The following SERGEF variants were observed in gnomAD, a reference collection of about 807,000 sequenced individuals.
The protein encoded by SERGEF is secretion regulating guanine nucleotide exchange factor, also known as secretion-regulating guanine nucleotide exchange factor.
In SERGEF, 51 loss-of-function variants were observed where a neutral mutation model predicts 50.0. The observed-to-expected ratio is 1.02, with a 90% CI of 0.81 to 1.29. SERGEF has a LOEUF of 1.29. Among genes scored for constraint, SERGEF ranks in the 50% most tolerant of loss-of-function variants. The probability of loss-of-function intolerance (pLI) is 0.00; values close to 1 mark genes in which losing one functional copy is unlikely to be tolerated. For synonymous variants in SERGEF, 205 were observed against 212.4 expected (o/e 0.97, Z 0.30); for missense variants, 521 against 557.0 (o/e 0.94, Z 0.65).
chr11:17,980,965 G>T (rs1476062395), intron 8 of SERGEF, among the ~76,000 whole-genome samples: 2 of 152,210 alleles, frequency 1.3e-5, no homozygotes, highest in African/African-American at 2.4e-5. Context: ...AGAGTTTAGT[G>T]TCTTGCCAGA....
intron 10 of SERGEF, among the ~76,000 whole-genome samples, chr11:17,829,468 T>G (rs934442329): frequency 6.6e-6 from 1 of 152,202 alleles, no homozygotes; most frequent in Non-Finnish European, 1.5e-5. Flanking sequence ...GCTATGCCAC[T>G]TTAAAGTCTG....
intron 8 of SERGEF, among the ~76,000 whole-genome samples, chr11:17,971,949 T>G (rs1021007512): frequency 3.9e-5 from 6 of 152,112 alleles, no homozygotes; most frequent in Non-Finnish European, 8.8e-5. Context: ...ATGGATGACT[T>G]TGAGGGATTC....
intron 8 of SERGEF, among the ~76,000 whole-genome samples, chr11:17,974,408 G>T (rs763846126): frequency 3.3e-5 from 5 of 152,214 alleles, no homozygotes; most frequent in Non-Finnish European, 5.9e-5. Flanking sequence ...GGGCCTGGGA[G>T]AGGCATCTGC....
chr11:17,953,791 T>C (rs1045254999), intron 9 of SERGEF, among the ~76,000 whole-genome samples: 15 of 152,166 alleles, frequency 9.9e-5, no homozygotes, highest in African/African-American at 3.1e-4. Flanking sequence ...ATGATAAATA[T>C]AAATAAGAAA....
At chr11:17,963,629 G>A (rs900042992) in intron 8 of SERGEF, among the ~76,000 whole-genome samples, 2 of 152,012 alleles carry the variant, frequency 1.3e-5, no homozygotes, top group East Asian at 1.9e-4. Context: ...CAAGTGATCT[G>A]CCTGCCTCAG....
intron 8 of SERGEF, among the ~76,000 whole-genome samples, chr11:17,974,340 G>A (rs962099293): frequency 1.1e-4 from 16 of 152,200 alleles, no homozygotes. Context: ...TCCCACCAGA[G>A]ACAGTTACCA....
intron 9 of SERGEF, among the ~76,000 whole-genome samples, chr11:17,925,682 T>G (rs1852237868): frequency 6.6e-6 from 1 of 152,188 alleles, no homozygotes; most frequent in Admixed American, 6.5e-5. Flanking sequence ...GGGAGGCACA[T>G]TTCCATCTTA....
At chr11:18,000,865 T>C (rs1476468445) in intron 4 of SERGEF, 1 of 528,848 alleles carries the variant, frequency 1.9e-6, no homozygotes, top group Non-Finnish European at 3.6e-6. Context: ...GTAAATGTTT[T>C]ACAGGCCACA....
At chr11:18,002,935 A>G (rs527444747) in intron 4 of SERGEF, among the ~76,000 whole-genome samples, 1 of 152,330 alleles carries the variant, frequency 6.6e-6, no homozygotes, top group African/African-American at 2.4e-5. Flanking sequence ...ACATATTTTA[A>G]CCATTGTTCC....
At chr11:18,011,006 G>T (rs1246626167) in intron 1 of SERGEF, among the ~76,000 whole-genome samples, 2 of 152,122 alleles carry the variant, frequency 1.3e-5, no homozygotes, top group Non-Finnish European at 2.9e-5. Flanking sequence ...ACCAATTTTT[G>T]TAACACTGTG....
At chr11:17,902,060 G>A (rs61882446) in intron 9 of SERGEF, among the ~76,000 whole-genome samples, 21,570 of 152,182 alleles carry the variant, frequency 0.14, 1,978 homozygotes, top group Middle Eastern at 0.27. Flanking sequence ...CACATAGCAG[G>A]GTACTTTGTT....
At chr11:17,788,454 A>G (rs1460049546) in intron 10 of SERGEF, 41 bp from the exon 11 acceptor site, 5 of 1,519,980 alleles carry the variant, frequency 3.3e-6, no homozygotes, top group Non-Finnish European at 4.5e-6. Context: ...GAGGTTTTGG[A>G]TAATAGGGCT....
At position 18,005,583 on chromosome 11, in the gene SERGEF, G is replaced by A. The variant is rs531794964; in HGVS notation, c.352+1008C>T. ...AAGGGTTTATGACAGGAGAGTGACAGAAGATGCCCTTGCCAAAGGACCGTG... is the reference window on the plus strand; with the variant it reads ...AAGGGTTTATGACAGGAGAGTGACAAAAGATGCCCTTGCCAAAGGACCGTG... On this transcript the variant is annotated intron_variant, in intron 3 of 10. Coordinates refer to ENST00000265965, the MANE Select transcript of SERGEF (RefSeq NM_012139.4). 3.3e-5 allele frequency among the ~76,000 whole-genome samples: 5 copies of A among 152,352 alleles called. No individual in the cohort carries two copies. The East Asian group carries it at 9.6e-4, about 29-fold the overall frequency.
At chr11:17,805,398 T>A (rs992476144) in intron 10 of SERGEF, among the ~76,000 whole-genome samples, 1 of 152,238 alleles carries the variant, frequency 6.6e-6, no homozygotes, top group Non-Finnish European at 1.5e-5. Context: ...CTACAGCCTA[T>A]CTGGCTGTGC....
chr11:17,906,093 T>C (rs979299502), intron 9 of SERGEF, among the ~76,000 whole-genome samples: 2 of 152,078 alleles, frequency 1.3e-5, no homozygotes, highest in African/African-American at 4.8e-5. Flanking sequence ...AACCACTCAT[T>C]CCTTCTCTAG....
intron 6 of SERGEF, among the ~76,000 whole-genome samples, chr11:17,994,944 C>T (rs1342827029): frequency 6.6e-6 from 1 of 152,258 alleles, no homozygotes; most frequent in South Asian, 2.1e-4. Context: ...GAAGTAGTTA[C>T]AAGTCTCCTA....
chr11:18,010,032 T>A, intron 1 of SERGEF: 1 of 896,370 alleles, frequency 1.1e-6, no homozygotes, highest in Non-Finnish European at 1.5e-6. Flanking sequence ...GAGAGAATCT[T>A]ACTAAGATTT....
chr11:17,943,928 T>C (rs931577268), intron 9 of SERGEF, among the ~76,000 whole-genome samples: 1 of 152,048 alleles, frequency 6.6e-6, no homozygotes, highest in East Asian at 1.9e-4. Flanking sequence ...TGTTTTTTGG[T>C]TTATTTGTTT....
At chr11:18,009,713 A>C (rs1590252138) in intron 1 of SERGEF, among the ~76,000 whole-genome samples, 1 of 152,280 alleles carries the variant, frequency 6.6e-6, no homozygotes, top group East Asian at 1.9e-4. Context: ...TTGACAGGCA[A>C]TATGTCTATT....
Sources: gnomAD v4.1 joint callset for allele counts (sites outside exome capture counted in the v4.1 genomes callset) on GRCh38, gnomAD v4.1.1 for gene constraint, MANE v1.5 for transcripts, NCBI Gene and HGNC (gene_info 2026-07-23, HGNC 2026-07-21) for gene names.